The following DDR2 variants were observed in gnomAD, a reference collection of about 807,000 sequenced individuals.
The protein encoded by DDR2 is discoidin domain-containing receptor 2.
DDR2 carries 27 observed loss-of-function variants against 94.9 expected under a neutral mutation model. The observed-to-expected ratio is 0.28, with a 90% CI of 0.21 to 0.39. The LOEUF is 0.39. Among genes scored for constraint, DDR2 ranks in the 10% least tolerant of loss-of-function variants. The pLI is 1.00. For synonymous variants in DDR2, 382 were observed against 377.2 expected (o/e 1.01, Z -0.15); for missense variants, 783 against 1,076.0 (o/e 0.73, Z 3.81).
intron 2 of DDR2, among the ~76,000 whole-genome samples, chr1:162,689,867 A>G (rs1005443611): frequency 6.8e-6 from 1 of 146,294 alleles, no homozygotes; most frequent in Non-Finnish European, 1.5e-5. Context: ...AAAAAAAAAA[A>G]TAGCCAGGTG....
rs1253408699 is a variant in DDR2 at position 162,786,816 on chromosome 1, G to GA, written c.*6570_*6571insA. On this transcript the variant is annotated 3_prime_UTR_variant, in exon 18 of 18. Coordinates refer to ENST00000367921, the MANE Select transcript of DDR2 (RefSeq NM_006182.4). ...GACATATCCAAACATACGAGACACT[G>GA]GGATTTTACGTCCTCACATTAATTA... 1.8e-4 allele frequency: 28 copies of GA among 152,216 alleles called. No homozygotes were observed. The highest frequency in any genetic ancestry group is 6.5e-4 in the African/African-American group (27 of 41,454). The allele number at this position is 152,216 out of a possible 1,614,324, so 9.4% of individuals were successfully genotyped here.
At chr1:162,689,432 G>A (rs1348536368) in intron 2 of DDR2, among the ~76,000 whole-genome samples, 1 of 152,128 alleles carries the variant, frequency 6.6e-6, no homozygotes, top group African/African-American at 2.4e-5. Flanking sequence ...GAGAAATTAA[G>A]GTTTCAACCT....
intron 2 of DDR2, among the ~76,000 whole-genome samples, chr1:162,705,918 G>A (rs539874011): frequency 1.2e-4 from 18 of 152,356 alleles, no homozygotes; most frequent in African/African-American, 4.3e-4. Flanking sequence ...CATAAGCCCT[G>A]AGACATGCAA....
At chr1:162,755,080 C>A (rs1252010696) in intron 5 of DDR2, 76 bp from the exon 6 acceptor site, 2 of 1,600,176 alleles carry the variant, frequency 1.2e-6, no homozygotes, top group East Asian at 2.2e-5. Context: ...GAGAGTCCAT[C>A]AAAAACGTGG....
At chr1:162,758,815 G>A (rs114082512) in intron 7 of DDR2, among the ~76,000 whole-genome samples, 39 of 152,334 alleles carry the variant, frequency 2.6e-4, no homozygotes, top group South Asian at 8.3e-4. Context: ...GCTTGAGGGT[G>A]AGTATCCCAA....
At chr1:162,635,173 C>T (rs1656750905) in intron 1 of DDR2, among the ~76,000 whole-genome samples, 1 of 152,220 alleles carries the variant, frequency 6.6e-6, no homozygotes, top group Admixed American at 6.5e-5. Context: ...ACTCTGTGAA[C>T]TCGCACTTTT....
At chr1:162,746,506 C>T (rs1038826169) in intron 3 of DDR2, among the ~76,000 whole-genome samples, 1 of 152,214 alleles carries the variant, frequency 6.6e-6, no homozygotes, top group African/African-American at 2.4e-5. Context: ...ACAGCTCAAC[C>T]AGGCCTGCCT....
chr1:162,775,519 T>G (rs181184883), intron 14 of DDR2, 133 bp from the exon 15 acceptor site: 59 of 891,588 alleles, frequency 6.6e-5, no homozygotes, highest in Admixed American at 6.6e-4. Context: ...AATTTCTCTG[T>G]CCTCTCAAAA....
At position 162,775,783 on chromosome 1, in the gene DDR2, A is replaced by G. The variant is rs762100055; in HGVS notation, c.1988A>G (p.Asn663Ser). 1.2e-6 allele frequency: 2 copies of G among 1,614,084 alleles called. No individual in the cohort carries two copies. The highest frequency in any genetic ancestry group is 1.7e-6 in the Non-Finnish European group (2 of 1,179,996). Residue 663 changes from asparagine to serine, a missense_variant, in exon 15 of 18, where the codon AAT becomes AGT. Coordinates refer to ENST00000367921, the MANE Select transcript of DDR2 (RefSeq NM_006182.4). Reference sequence around the variant, plus strand: ...GAATACATGGAGAATGGAGATCTCAATCAGTTTCTTTCCCGCCACGAGCCC... The same window carrying G: ...GAATACATGGAGAATGGAGATCTCAGTCAGTTTCTTTCCCGCCACGAGCCC... ...ITEYMENGDL[N>S]QFLSRHEPPN...
intron 1 of DDR2, among the ~76,000 whole-genome samples, chr1:162,649,233 A>G (rs1657560778): frequency 1.3e-5 from 2 of 152,186 alleles, no homozygotes; most frequent in African/African-American, 4.8e-5. Flanking sequence ...TTAATATGGT[A>G]ATCAACATTT....
intron 2 of DDR2, among the ~76,000 whole-genome samples, chr1:162,680,738 A>G (rs1161066416): frequency 1.3e-5 from 2 of 152,246 alleles, no homozygotes; most frequent in Non-Finnish European, 1.5e-5. Flanking sequence ...GAAAAAGAAA[A>G]TAATATAACC....
At chr1:162,653,212 C>T (rs6670722) in intron 1 of DDR2, among the ~76,000 whole-genome samples, 139,195 of 152,124 alleles carry the variant, frequency 0.92, 64,263 homozygotes, top group Middle Eastern at 0.98. Context: ...TTAGCTTCTA[C>T]GTCAGCAAAA....
intron 2 of DDR2, among the ~76,000 whole-genome samples, chr1:162,692,784 CTGACCATACTCTA>C: frequency 6.6e-6 from 1 of 152,316 alleles, no homozygotes; most frequent in East Asian, 1.9e-4. Context: ...AGCATATAAT[CTGACCATACTCTA>C]TGACCCAGCA....
At chr1:162,633,484 C>T (rs998938462) in intron 1 of DDR2, among the ~76,000 whole-genome samples, 3 of 152,182 alleles carry the variant, frequency 2.0e-5, no homozygotes, top group Non-Finnish European at 4.4e-5. Flanking sequence ...GGGCCTTAGG[C>T]CTCTCATCTA....
chr1:162,757,692 A>G lies in DDR2; in HGVS notation c.671+1923A>G, dbSNP rs61107304. Among the ~76,000 whole-genome samples, 1,584 of 152,272 alleles carry G rather than the reference A, an allele frequency of 0.01. 70 individuals are homozygous for G. The East Asian group carries it at 0.14, about 13-fold the overall frequency. On this transcript the variant is annotated intron_variant, in intron 7 of 17. Coordinates refer to ENST00000367921, the MANE Select transcript of DDR2 (RefSeq NM_006182.4). ...ACATGATTGGAGCTGTGCTTTAGAC[A>G]GATTAATCAAGCAGCATGCAAAGGT...
intron 1 of DDR2, among the ~76,000 whole-genome samples, chr1:162,654,031 GAGGAA>G (rs1012817333): frequency 2.7e-4 from 41 of 152,184 alleles, no homozygotes; most frequent in African/African-American, 9.2e-4. Flanking sequence ...CAACAGATCA[GAGGAA>G]AGGAAAGAGG....
intron 3 of DDR2, among the ~76,000 whole-genome samples, chr1:162,737,020 CT>C (rs1326584902): frequency 6.6e-6 from 1 of 152,056 alleles, no homozygotes; most frequent in Non-Finnish European, 1.5e-5. Flanking sequence ...ACTTTCATTT[CT>C]TTTATGACTA....
At chr1:162,777,520 A>T (rs952276111) in intron 16 of DDR2, among the ~76,000 whole-genome samples, 1 of 152,152 alleles carries the variant, frequency 6.6e-6, no homozygotes, top group Non-Finnish European at 1.5e-5. Flanking sequence ...TCACCTATAT[A>T]TGTGAATTGC....
At chr1:162,661,567 T>C (rs1308998343) in intron 2 of DDR2, among the ~76,000 whole-genome samples, 1 of 152,122 alleles carries the variant, frequency 6.6e-6, no homozygotes, top group Non-Finnish European at 1.5e-5. Flanking sequence ...ACACCAAGCA[T>C]ACAGAGACAG....
Sources: gnomAD v4.1 joint callset for allele counts (sites outside exome capture counted in the v4.1 genomes callset) on GRCh38, gnomAD v4.1.1 for gene constraint, MANE v1.5 for transcripts, NCBI Gene and HGNC (gene_info 2026-07-23, HGNC 2026-07-21) for gene names.